Variants in ACTR3C observed in about 807,000 individuals in gnomAD.
ACTR3C encodes the protein actin-related protein 3C.
A neutral mutation model predicts 26.3 loss-of-function variants in ACTR3C; 18 were observed. The observed-to-expected ratio is 0.68, with a 90% CI of 0.47 to 1.01. ACTR3C has a LOEUF of 1.01. Among genes scored for constraint, ACTR3C ranks in the 50% least tolerant of loss-of-function variants. ACTR3C has a pLI of 0.00. For missense variants in ACTR3C, 184 were observed against 250.7 expected (o/e 0.73, Z 1.80); for synonymous variants, 55 against 94.5 (o/e 0.58, Z 2.42).
At chr7:149,907,792 A>G in the ACTR3C span, among the ~76,000 whole-genome samples, 72 of 151,890 alleles carry the variant, frequency 4.7e-4, no homozygotes, top group South Asian at 0.012. Context: ...TATAGCTGTC[A>G]CACTTAACAA....
the ACTR3C span, among the ~76,000 whole-genome samples, chr7:149,910,108 C>T: frequency 5.3e-5 from 8 of 149,946 alleles, no homozygotes; most frequent in African/African-American, 1.7e-4. Flanking sequence ...CATTAGTGAA[C>T]TGCAGAAAAA....
chr7:150,253,754 C>T (rs373347060), intron 6 of ACTR3C, among the ~76,000 whole-genome samples: 3 of 151,884 alleles, frequency 2.0e-5, no homozygotes, highest in South Asian at 2.1e-4. Flanking sequence ...AGCGGCCCAT[C>T]GGTATTGGCT....
chr7:150,268,204 G>A (rs1443074665), intron 6 of ACTR3C, among the ~76,000 whole-genome samples: 2 of 149,392 alleles, frequency 1.3e-5, no homozygotes, highest in Non-Finnish European at 2.9e-5. Flanking sequence ...ATAAGATTGA[G>A]CCAAGTCACC....
chr7:149,909,061 C>T, the ACTR3C span, among the ~76,000 whole-genome samples: 5 of 151,412 alleles, frequency 3.3e-5, no homozygotes, highest in East Asian at 1.9e-4. Context: ...CGATTACATG[C>T]GTGAGCCACC....
the ACTR3C span, among the ~76,000 whole-genome samples, chr7:149,963,654 G>A: frequency 6.6e-6 from 1 of 152,180 alleles, no homozygotes; most frequent in African/African-American, 2.4e-5. Flanking sequence ...AAGGCACACA[G>A]GCTCAGGTGG....
chr7:150,151,154 A>G, the ACTR3C span, among the ~76,000 whole-genome samples: 1 of 126,316 alleles, frequency 7.9e-6, no homozygotes, highest in Non-Finnish European at 1.7e-5. Flanking sequence ...CTTAGCTTCT[A>G]TTATACAGTA....
the ACTR3C span, among the ~76,000 whole-genome samples, chr7:150,039,553 G>GC: frequency 4.0e-5 from 5 of 125,778 alleles, no homozygotes; most frequent in Admixed American, 8.4e-5. Context: ...CAGAGCCAGG[G>GC]GGGGAAGAGG....
At position 150,275,273 on chromosome 7, in the gene ACTR3C, G is replaced by A. The variant is rs139446589; in HGVS notation, c.564+9480C>T. The stretch of plus-strand genomic sequence containing the variant: ...AGCATCAGGCCTCATTACAAATCAT[G>A]TTTTTAAAGAATTTCAGTCGCTTAA... On this transcript the variant is annotated intron_variant, in intron 6 of 7. Coordinates refer to ENST00000683684, the MANE Select transcript of ACTR3C (RefSeq NM_001164458.2). 2.8e-3 allele frequency among the ~76,000 whole-genome samples: 419 copies of A among 152,288 alleles called. 4 individuals are homozygous for A. The highest frequency in any genetic ancestry group is 9.3e-3 in the South Asian group (45 of 4,820).
At chr7:150,004,883 T>G in the ACTR3C span, 5 of 152,188 alleles carry the variant, frequency 3.3e-5, no homozygotes, top group Non-Finnish European at 7.3e-5. Context: ...GAAAGGAAAT[T>G]AAGGAGACAG....
the ACTR3C span, among the ~76,000 whole-genome samples, chr7:150,161,202 T>TATATATATATATATATATATA: frequency 1.9e-5 from 2 of 103,004 alleles, no homozygotes; most frequent in African/African-American, 9.2e-5. Flanking sequence ...AGGAAAGTAT[T>TATATATATATATATATATATA]TATATATATA....
the ACTR3C span, among the ~76,000 whole-genome samples, chr7:149,942,952 C>G: frequency 3.3e-5 from 5 of 151,828 alleles, no homozygotes; most frequent in Non-Finnish European, 7.4e-5. Context: ...TCATCAGCTG[C>G]TAATTGAACT....
chr7:150,045,642 T>C, the ACTR3C span, among the ~76,000 whole-genome samples: 1 of 151,156 alleles, frequency 6.6e-6, no homozygotes, highest in Non-Finnish European at 1.5e-5. Context: ...AATGTACATG[T>C]TATATCCCTG....
rs1300716305 is a variant in ACTR3C at position 150,289,647 on chromosome 7, C to T, written c.154-54G>A. On this transcript the variant is annotated intron_variant, in intron 3 of 7. Coordinates refer to ENST00000683684, the MANE Select transcript of ACTR3C (RefSeq NM_001164458.2). The stretch of plus-strand genomic sequence containing the variant: ...GTGTTAGTGATTTCGTGGTGGAGAG[C>T]AGCCTGGACTCACGAGGTTTCCTGC... 5.3e-5 allele frequency: 84 copies of T among 1,571,712 alleles called. No homozygotes were observed. In the South Asian group the frequency reaches 6.8e-4, roughly 13 times the overall value.
At chr7:150,255,674 C>T (rs1833169581) in intron 6 of ACTR3C, among the ~76,000 whole-genome samples, 1 of 152,118 alleles carries the variant, frequency 6.6e-6, no homozygotes, top group African/African-American at 2.4e-5. Context: ...AGTGGCATGT[C>T]TTTGGAATGA....
chr7:150,217,519 C>G, the ACTR3C span, among the ~76,000 whole-genome samples: 7 of 151,540 alleles, frequency 4.6e-5, no homozygotes, highest in Non-Finnish European at 1.0e-4. Flanking sequence ...TCTTCCAAAG[C>G]TAAAGTTGAA....
the ACTR3C span, among the ~76,000 whole-genome samples, chr7:149,883,630 C>A: frequency 6.6e-6 from 1 of 152,314 alleles, no homozygotes; most frequent in Non-Finnish European, 1.5e-5. Context: ...TCTAGCGAGC[C>A]CTCGTCCAAT....
At chr7:149,967,596 T>C in the ACTR3C span, among the ~76,000 whole-genome samples, 2 of 152,332 alleles carry the variant, frequency 1.3e-5, no homozygotes. Context: ...ACAGTTTTGA[T>C]ATGAACCATT....
chr7:149,897,259 T>C, the ACTR3C span, among the ~76,000 whole-genome samples: 1 of 152,168 alleles, frequency 6.6e-6, no homozygotes, highest in Non-Finnish European at 1.5e-5. Flanking sequence ...ACTGGGTATA[T>C]TGGTTTTTCA....
At chr7:149,954,267 T>C in the ACTR3C span, among the ~76,000 whole-genome samples, 1 of 152,122 alleles carries the variant, frequency 6.6e-6, no homozygotes, top group African/African-American at 2.4e-5. Flanking sequence ...ATCATTTGAG[T>C]AGAAAAAGAA....
Sources: allele counts gnomAD v4.1 joint callset (sites outside exome capture counted in the v4.1 genomes callset), GRCh38; gene constraint gnomAD v4.1.1; transcripts MANE v1.5; gene names NCBI Gene and HGNC (gene_info 2026-07-23, HGNC 2026-07-21).